Variants in MATK observed in about 807,000 individuals in gnomAD.
MATK encodes the protein megakaryocyte-associated tyrosine kinase.
In MATK, 41 loss-of-function variants were observed where a neutral mutation model predicts 59.8. The ratio of observed to expected loss-of-function variants is 0.69; its 90% CI spans 0.53 to 0.89. MATK has a LOEUF of 0.89. Ranked by LOEUF, MATK falls within the 40% of genes least tolerant of loss-of-function variation. MATK has a pLI of 0.00. For missense variants in MATK, 593 were observed against 719.6 expected (o/e 0.82, Z 2.01); for synonymous variants, 308 against 306.1 (o/e 1.01, Z -0.06).
chr19:3,781,586 C>A, intron 8 of MATK, 21 bp downstream of exon 8: 1 of 1,613,630 alleles, frequency 6.2e-7, no homozygotes. Context: ...TTCAGCACCC[C>A]CAACCCAGTC....
At chr19:3,779,307 T>C (rs946884714) in intron 11 of MATK, 71 bp downstream of exon 11, 11 of 1,586,774 alleles carry the variant, frequency 6.9e-6, no homozygotes, top group Admixed American at 3.3e-5. Context: ...TGCCTCAGTT[T>C]CCCCTTGATG....
At chr19:3,787,985 A>G (rs182296837), upstream of MATK, among the ~76,000 whole-genome samples, 5 of 150,904 alleles carry the variant, frequency 3.3e-5, no homozygotes, top group East Asian at 7.8e-4. Flanking sequence ...CTGGCCTCAA[A>G]TGCCTGGGCT....
chr19:3,801,225 G>A (rs2037640485), intron 1 of MATK, among the ~76,000 whole-genome samples: 1 of 152,188 alleles, frequency 6.6e-6, no homozygotes, highest in Non-Finnish European at 1.5e-5. Flanking sequence ...AGGAAAGCGG[G>A]TCTTAATCCG....
At chr19:3,791,319 A>G (rs1182003915), upstream of MATK, among the ~76,000 whole-genome samples, 4 of 150,732 alleles carry the variant, frequency 2.7e-5, no homozygotes, top group Non-Finnish European at 5.9e-5. Context: ...GCAGCAGCCC[A>G]GTGGACACAG....
chr19:3,794,264 C>T (rs1054688528), intron 1 of MATK, among the ~76,000 whole-genome samples: 2 of 152,176 alleles, frequency 1.3e-5, no homozygotes, highest in Non-Finnish European at 2.9e-5. Flanking sequence ...ATATATCTTC[C>T]TAATGAGGGT....
rs576620828 is a variant in MATK, at chr19:3,784,365, G to A, written c.219C>T (p.Asp73=). 17 of 1,607,960 alleles carry A rather than the reference G, an allele frequency of 1.1e-5. No individual in the cohort carries two copies. The highest frequency in any genetic ancestry group is 2.7e-5 in the African/African-American group (2 of 74,884). Residue 73 remains aspartate (D), a synonymous_variant, in exon 4 of 14, where the codon GAC becomes GAT. Coordinates refer to ENST00000310132, the MANE Select transcript of MATK (RefSeq NM_139355.3). ...CGCAGGCCTCCAGGATGGTGACCAC[G>A]TCGCCCTTGCGGAAGGCCAGCTCCC... ...KPGELAFRKG[D]VVTILEACEN... is the part of the protein sequence containing the mutation.
chr19:3,801,129 G>C (rs1376102069), intron 1 of MATK, among the ~76,000 whole-genome samples: 1 of 152,136 alleles, frequency 6.6e-6, no homozygotes, highest in Non-Finnish European at 1.5e-5. Context: ...GAGCCACCGC[G>C]CCCGGCCGAT....
At chr19:3,791,985 A>T (rs939143370) in intron 1 of MATK, among the ~76,000 whole-genome samples, 2 of 152,004 alleles carry the variant, frequency 1.3e-5, no homozygotes, top group African/African-American at 4.8e-5. Flanking sequence ...GCGGGTGCCT[A>T]TAATCCCAAG....
At chr19:3,780,667 C>T (rs551455296) in intron 8 of MATK, among the ~76,000 whole-genome samples, 55 of 150,778 alleles carry the variant, frequency 3.6e-4, no homozygotes, top group Middle Eastern at 3.4e-3. Flanking sequence ...CTCATGACCT[C>T]GTGATCCGCC....
chr19:3,792,401 C>A (rs1168795459), intron 1 of MATK, among the ~76,000 whole-genome samples: 1 of 151,880 alleles, frequency 6.6e-6, no homozygotes, highest in Admixed American at 6.6e-5. Flanking sequence ...ACGCTAGAGG[C>A]TTGAAATTGA....
At position 3,793,968 on chromosome 19, in the gene MATK, C is replaced by T. The variant is rs2037568900; in HGVS notation, c.-57-4564G>A. The stretch of plus-strand genomic sequence containing the variant: ...GTCACCTCTGCGGTCCAGTGGCTGT[C>T]ACCTCTCTGCTCCCAGCTTCTCCCT... On this transcript the variant is annotated intron_variant, in intron 1 of 13. Transcript: ENST00000395045. 2.6e-5 allele frequency among the ~76,000 whole-genome samples: 4 copies of T among 152,132 alleles called. No individual in the cohort carries two copies. The South Asian group carries it at 8.3e-4, about 31-fold the overall frequency.
At chr19:3,783,589 G>A (rs532135915) in intron 6 of MATK, among the ~76,000 whole-genome samples, 16 of 152,002 alleles carry the variant, frequency 1.1e-4, no homozygotes, top group African/African-American at 2.2e-4. Context: ...GCCTGGGGGT[G>A]CCTGGGGGGC....
Position 3,779,542 on chromosome 19 carries a change from G to A in MATK, c.918C>T (p.His306=). ...LHQGLYIVME[H]VSKGNLVNFL... is the part of the protein sequence containing the mutation. ...CTGGGCCCCGCCCCACCTTGCTCAC[G>A]TGCTCCATGACAATGTACAGCCCCT... Residue 306 remains histidine (H), a synonymous_variant, in exon 10 of 14, where the codon CAC becomes CAT. Transcript: ENST00000310132. 3 of 1,611,610 alleles carry A rather than the reference G, an allele frequency of 1.9e-6. No individual in the cohort carries two copies. Among genetic ancestry groups the A allele is most frequent in the Non-Finnish European group, 2.5e-6 (3 of 1,179,288 alleles).
At position 3,786,255 on chromosome 19, in the gene MATK, G is replaced by A. The variant is rs1260625167; in HGVS notation, c.-238C>T. ...CGGCTGCACACCCCGAGGCGGTCCC[G>A]GCTGCACAACTTGGAGCGAGTTGCT... is the stretch of plus-strand genomic sequence containing the variant. On this transcript the variant is annotated 5_prime_UTR_variant, in exon 1 of 14. Coordinates refer to ENST00000310132, the MANE Select transcript of MATK (RefSeq NM_139355.3). This position sits in a 1 kb window ranked among gnomAD's most constrained non-coding sequence, Gnocchi z 4.1. 2 of 985,168 alleles carry A rather than the reference G, an allele frequency of 2.0e-6. No individual in the cohort carries two copies. The highest frequency in any genetic ancestry group is 1.7e-5 in the African/African-American group (1 of 57,216). The allele number at this position is 985,168 out of a possible 1,614,324, so 61.0% of individuals were successfully genotyped here.
At chr19:3,791,307 A>G (rs533396443), upstream of MATK, among the ~76,000 whole-genome samples, 172 of 151,258 alleles carry the variant, frequency 1.1e-3, no homozygotes, top group African/African-American at 3.9e-3. Context: ...GTCCTTTGCA[A>G]TGCAGCAGCC....
At chr19:3,792,127 A>G (rs2037548831) in intron 1 of MATK, among the ~76,000 whole-genome samples, 1 of 151,834 alleles carries the variant, frequency 6.6e-6, no homozygotes, top group East Asian at 1.9e-4. Flanking sequence ...AAAAAAGTGT[A>G]AAGTGGAACA....
intron 1 of MATK, among the ~76,000 whole-genome samples, chr19:3,801,373 C>T (rs894185973): frequency 2.6e-5 from 4 of 152,094 alleles, no homozygotes; most frequent in Non-Finnish European, 5.9e-5. Flanking sequence ...GTGACTGGGC[C>T]GGGGGACTCA....
At position 3,778,176 on chromosome 19, in the gene MATK, G is replaced by A. The variant is rs1188822585; in HGVS notation, c.*7C>T. 2 of 1,550,102 alleles carry A rather than the reference G, an allele frequency of 1.3e-6. No individual in the cohort carries two copies. The highest frequency in any genetic ancestry group is 8.7e-7 in the Non-Finnish European group (1 of 1,153,402). ...TCCTCTGGGGCCAAGGGCCCCACCG[G>A]GTGGGGTCAGGGCTCCTGGCTTCGG... On this transcript the variant is annotated 3_prime_UTR_variant, in exon 14 of 14. Coordinates refer to ENST00000310132, the MANE Select transcript of MATK (RefSeq NM_139355.3).
intron 7 of MATK, among the ~76,000 whole-genome samples, chr19:3,782,132 C>G (rs1056685453): frequency 1.3e-5 from 2 of 152,176 alleles, no homozygotes; most frequent in Non-Finnish European, 2.9e-5. Flanking sequence ...TACCTCTGAC[C>G]ACCCCAGAAA....
Sources: allele counts gnomAD v4.1 joint callset (sites outside exome capture counted in the v4.1 genomes callset), GRCh38; gene constraint gnomAD v4.1.1; non-coding constraint Gnocchi (gnomAD v3.1); transcripts MANE v1.5; gene names NCBI Gene and HGNC (gene_info 2026-07-23, HGNC 2026-07-21).